Variants in NXPH1 observed in about 807,000 individuals in gnomAD.
The protein encoded by NXPH1 is neurexophilin-1.
Under a neutral mutation model 23.7 loss-of-function variants are expected in NXPH1, and 5 were observed. That is an observed-to-expected ratio of 0.21 (90% CI 0.11 to 0.44). The LOEUF is 0.44. Ranked by LOEUF, NXPH1 falls within the 20% of genes least tolerant of loss-of-function variation. The pLI, the probability that NXPH1 is intolerant of heterozygous loss-of-function variation, is 0.99. For missense variants in NXPH1, 324 were observed against 321.6 expected (o/e 1.01, Z -0.06); for synonymous variants, 144 against 122.2 (o/e 1.18, Z -1.18).
At chr7:8,462,272 C>A (rs905155127) in intron 2 of NXPH1, among the ~76,000 whole-genome samples, 3 of 152,354 alleles carry the variant, frequency 2.0e-5, no homozygotes, top group African/African-American at 7.2e-5. Flanking sequence ...TGGCCTCGAT[C>A]TCTTGACCTC....
intron 2 of NXPH1, among the ~76,000 whole-genome samples, chr7:8,680,643 C>G (rs950151361): frequency 4.6e-5 from 7 of 152,108 alleles, no homozygotes; most frequent in Non-Finnish European, 7.4e-5. Flanking sequence ...AGTACAATGC[C>G]AAGACACTTG....
chr7:8,699,702 AAAT>A (rs1360355232), intron 2 of NXPH1, among the ~76,000 whole-genome samples: 4 of 152,150 alleles, frequency 2.6e-5, no homozygotes, highest in African/African-American at 2.4e-5. Context: ...ATACAAGTTA[AAAT>A]AATCTGTCTT....
intron 2 of NXPH1, among the ~76,000 whole-genome samples, chr7:8,554,914 A>C (rs956593447): frequency 1.3e-5 from 2 of 151,726 alleles, no homozygotes; most frequent in Non-Finnish European, 3.0e-5. Flanking sequence ...TAGGAGGGAT[A>C]TCAAATTGAT....
intron 2 of NXPH1, among the ~76,000 whole-genome samples, chr7:8,528,590 C>T (rs1313532428): frequency 2.0e-5 from 3 of 152,102 alleles, no homozygotes; most frequent in Non-Finnish European, 2.9e-5. Flanking sequence ...AAAATATGTT[C>T]CTTTTTGCAG....
intron 2 of NXPH1, among the ~76,000 whole-genome samples, chr7:8,702,247 T>G (rs1779636123): frequency 6.6e-6 from 1 of 152,160 alleles, no homozygotes; most frequent in African/African-American, 2.4e-5. Flanking sequence ...CAAACTTTTA[T>G]GCAAATTATC....
intron 2 of NXPH1, among the ~76,000 whole-genome samples, chr7:8,444,539 C>G (rs1816363392): frequency 6.6e-6 from 1 of 152,228 alleles, no homozygotes; most frequent in African/African-American, 2.4e-5. Context: ...CTGGCACAGT[C>G]TTTTTCACAC....
chr7:8,634,523 G>A (rs1430017377), intron 2 of NXPH1, among the ~76,000 whole-genome samples: 1 of 152,066 alleles, frequency 6.6e-6, no homozygotes, highest in Non-Finnish European at 1.5e-5. Flanking sequence ...GGTTTGTTTT[G>A]TTTTGCTATC....
intron 2 of NXPH1, among the ~76,000 whole-genome samples, chr7:8,513,777 AG>A (rs1386642347): frequency 3.9e-5 from 6 of 152,122 alleles, no homozygotes; most frequent in African/African-American, 1.2e-4. Context: ...ATGGTTTGTC[AG>A]ACTTGCCTGC....
At chr7:8,602,821 T>C (rs760049703) in intron 2 of NXPH1, among the ~76,000 whole-genome samples, 1 of 152,220 alleles carries the variant, frequency 6.6e-6, no homozygotes, top group Non-Finnish European at 1.5e-5. Flanking sequence ...AACTCAACAA[T>C]AGTGGACTTA....
At chr7:8,617,266 C>T (rs1819764466) in intron 2 of NXPH1, among the ~76,000 whole-genome samples, 1 of 152,012 alleles carries the variant, frequency 6.6e-6, no homozygotes, top group Non-Finnish European at 1.5e-5. Context: ...AAACTCAGAA[C>T]TTGCTGTTGG....
intron 2 of NXPH1, among the ~76,000 whole-genome samples, chr7:8,719,163 T>C (rs1779925232): frequency 6.6e-6 from 1 of 152,242 alleles, no homozygotes; most frequent in Non-Finnish European, 1.5e-5. Flanking sequence ...ATTTGGCAGA[T>C]ATACCTCTAT....
At chr7:8,582,193 T>C (rs1376248090) in intron 2 of NXPH1, among the ~76,000 whole-genome samples, 1 of 152,148 alleles carries the variant, frequency 6.6e-6, no homozygotes, top group Non-Finnish European at 1.5e-5. Context: ...GGGAAGCTTG[T>C]AGATGCCGGG....
At chr7:8,671,073 ATTCAACT>A (rs1820861794) in intron 2 of NXPH1, among the ~76,000 whole-genome samples, 1 of 152,210 alleles carries the variant, frequency 6.6e-6, no homozygotes, top group African/African-American at 2.4e-5. Flanking sequence ...GATACATACC[ATTCAACT>A]CTAATAAAGG....
intron 2 of NXPH1, among the ~76,000 whole-genome samples, chr7:8,450,531 TTATC>T (rs1348818799): frequency 3.9e-5 from 6 of 152,248 alleles, no homozygotes; most frequent in African/African-American, 1.4e-4. Flanking sequence ...ATCTAGGAAT[TTATC>T]TATTTCTGAA....
chr7:8,672,642 T>A (rs947257648), intron 2 of NXPH1, among the ~76,000 whole-genome samples: 1 of 152,090 alleles, frequency 6.6e-6, no homozygotes, highest in African/African-American at 2.4e-5. Flanking sequence ...ATAAAAGAAG[T>A]CTGCATTTTG....
chr7:8,583,132 G>C (rs79093626), intron 2 of NXPH1, among the ~76,000 whole-genome samples: 69 of 152,328 alleles, frequency 4.5e-4, no homozygotes, highest in African/African-American at 1.6e-3. Flanking sequence ...TCAAGTATAG[G>C]CTGGATGCTT....
chr7:8,717,398 G>T (rs1239867267), intron 2 of NXPH1, among the ~76,000 whole-genome samples: 2 of 152,064 alleles, frequency 1.3e-5, no homozygotes, highest in African/African-American at 4.8e-5. Flanking sequence ...CAAATTGACT[G>T]ACTGATCTTT....
chr7:8,705,045 C>CA (rs969426077), intron 2 of NXPH1, among the ~76,000 whole-genome samples: 43 of 152,112 alleles, frequency 2.8e-4, no homozygotes, highest in African/African-American at 9.7e-4. Flanking sequence ...TATACTAATT[C>CA]ATGGACCCAA....
At chr7:8,618,040 A>T (rs139558253) in intron 2 of NXPH1, among the ~76,000 whole-genome samples, 308 of 152,238 alleles carry the variant, frequency 2.0e-3, no homozygotes, top group African/African-American at 7.1e-3. Flanking sequence ...AAAGTAAATT[A>T]AAAAAACTTC....
Sources: allele counts gnomAD v4.1 joint callset (sites outside exome capture counted in the v4.1 genomes callset), GRCh38; gene constraint gnomAD v4.1.1; transcripts MANE v1.5; gene names NCBI Gene and HGNC (gene_info 2026-07-23, HGNC 2026-07-21).